APCS: variants seen among roughly 807,000 people sequenced by gnomAD.
APCS encodes the protein amyloid P component, serum, also known as serum amyloid P-component.
A neutral mutation model predicts 2.5 loss-of-function variants in APCS; 2 were observed. That is an observed-to-expected ratio of 0.80 (90% CI 0.33 to 2.53). The LOEUF is 2.53. APCS is among the 30% of genes most tolerant of loss of function. APCS has a pLI of 0.11. For synonymous variants in APCS, 109 were observed against 102.5 expected (o/e 1.06, Z -0.39); for missense variants, 302 against 258.9 (o/e 1.17, Z -1.14).
rs1257088733 is a variant in APCS at position 159,588,647 on chromosome 1, G to A, written c.611G>A (p.Trp204Ter). Residue 204 changes from tryptophan to a stop codon, truncating the protein, a stop_gained, in exon 2 of 2, where the codon TGG (tryptophan) becomes TAG (stop). Coordinates refer to ENST00000255040, the MANE Select transcript of APCS (RefSeq NM_001639.4). LOFTEE classifies it low-confidence loss of function (END_TRUNC). ...CCTCTCCCTGCCAATATCCTGGACTGGCAGGCTCTGAACTATGAAATCAGA... is the reference window on the plus strand; with the variant it reads ...CCTCTCCCTGCCAATATCCTGGACTAGCAGGCTCTGAACTATGAAATCAGA... ...GTPLPANILDWQALNYEIRGY... is the reference protein window; with the variant it reads ...GTPLPANILD 2.5e-6 allele frequency: 4 copies of A among 1,613,676 alleles called. No homozygotes were observed. Among genetic ancestry groups the A allele is most frequent in the Non-Finnish European group, 2.5e-6 (3 of 1,179,920 alleles).
At position 159,588,577 on chromosome 1, in the gene APCS, T is replaced by C; in HGVS notation, c.541T>C (p.Ser181Pro). ...GATTGGGGATTTGTACATGTGGGACTCTGTGCTGCCCCCAGAAAATATCCT... is the reference window on the plus strand; with the variant it reads ...GATTGGGGATTTGTACATGTGGGACCCTGTGCTGCCCCCAGAAAATATCCT... ...GEIGDLYMWDSVLPPENILSA... is the reference protein window; with the variant it reads ...GEIGDLYMWDPVLPPENILSA... Residue 181 changes from serine to proline, a missense_variant, in exon 2 of 2, where the codon TCT becomes CCT. Ser to Pro is a moderately conservative substitution (Grantham distance 74). Coordinates refer to ENST00000255040, the MANE Select transcript of APCS (RefSeq NM_001639.4). 1 of 1,613,972 alleles carries C rather than the reference T, an allele frequency of 6.2e-7. No homozygotes were observed.
At position 159,588,091 on chromosome 1, in the gene APCS, T is replaced by C. The variant is rs1010186302; in HGVS notation, c.65-10T>C. ...CTGAAGGTCATTATCTTTCTTTCTTTATCCCGCAGACCTCAGTGGGAAGGT... is the reference window on the plus strand; with the variant it reads ...CTGAAGGTCATTATCTTTCTTTCTTCATCCCGCAGACCTCAGTGGGAAGGT... On this transcript the variant is annotated splice_polypyrimidine_tract_variant and intron_variant, in intron 1 of 1. Coordinates refer to ENST00000255040, the MANE Select transcript of APCS (RefSeq NM_001639.4). The C allele has an allele frequency of 3.1e-6, 5 of 1,613,310 alleles. No individual in the cohort carries two copies. Among genetic ancestry groups the C allele is most frequent in the Non-Finnish European group, 4.2e-6 (5 of 1,179,444 alleles).
rs201641715 is a variant in APCS at position 159,588,392 on chromosome 1, C to T, written c.356C>T (p.Ser119Phe). The T allele has an allele frequency of 2.0e-5, 32 of 1,613,922 alleles. No individual in the cohort carries two copies. The highest frequency in any genetic ancestry group is 1.0e-4 in the Admixed American group (6 of 59,990). The change falls in exon 2 of 2, where the codon TCC (serine) becomes TTC (phenylalanine). Residue 119 changes from serine to phenylalanine, a missense_variant. Ser to Phe is a radical substitution (Grantham distance 155, BLOSUM62 -2). Transcript: ENST00000255040. ...GTGCACATCTGTGTGAGCTGGGAGT[C>T]CTCATCAGGTATTGCTGAATTTTGG... ...APVHICVSWESSSGIAEFWIN... is the reference protein window; with the variant it reads ...APVHICVSWEFSSGIAEFWIN...
At position 159,588,374 on chromosome 1, in the gene APCS, T is replaced by A. The variant is rs200788109; in HGVS notation, c.338T>A (p.Ile113Asn). ...VIEKFPAPVH[I>N]CVSWESSSGI... Reference sequence around the variant, plus strand: ...GAAAAGTTCCCGGCTCCAGTGCACATCTGTGTGAGCTGGGAGTCCTCATCA... The same window carrying A: ...GAAAAGTTCCCGGCTCCAGTGCACAACTGTGTGAGCTGGGAGTCCTCATCA... Residue 113 changes from isoleucine (I) to asparagine (N), a missense_variant, in exon 2 of 2, where the codon ATC (isoleucine) becomes AAC (asparagine). Coordinates refer to ENST00000255040, the MANE Select transcript of APCS (RefSeq NM_001639.4). 2.3e-4 allele frequency: 371 copies of A among 1,614,022 alleles called. No individual in the cohort carries two copies. The highest frequency in any genetic ancestry group is 2.7e-4 in the Non-Finnish European group (319 of 1,180,014).
Position 159,588,385 on chromosome 1 carries a change from T to A in APCS, c.349T>A (p.Trp117Arg). 5 of 1,614,164 alleles carry A rather than the reference T, an allele frequency of 3.1e-6. No homozygotes were observed. Among genetic ancestry groups the A allele is most frequent in the Non-Finnish European group, 4.2e-6 (5 of 1,180,016 alleles). ...FPAPVHICVS[W>R]ESSSGIAEFW... ...GGCTCCAGTGCACATCTGTGTGAGC[T>A]GGGAGTCCTCATCAGGTATTGCTGA... is the stretch of plus-strand genomic sequence containing the variant. The change falls in exon 2 of 2, where the codon TGG becomes AGG. Residue 117 changes from tryptophan (W) to arginine (R), a missense_variant. Transcript: ENST00000255040.
Position 159,587,914 on chromosome 1 carries a change from C to G in APCS, c.-8C>G, listed in dbSNP as rs772980505. The G allele has an allele frequency of 6.2e-7, 1 of 1,613,584 alleles. No individual in the cohort carries two copies. The highest frequency in any genetic ancestry group is 1.1e-5 in the South Asian group (1 of 91,060). On this transcript the variant is annotated 5_prime_UTR_variant, in exon 1 of 2. Coordinates refer to ENST00000255040, the MANE Select transcript of APCS (RefSeq NM_001639.4). ...CTGCTTCTGCTATAACAGCCCTAGG[C>G]CAGGAATATGAACAAGCCGCTGCTT...
chr1:159,588,708 A>C lies in APCS; in HGVS notation c.672A>C (p.Ter224CysextTer15). The change falls in exon 2 of 2, where the codon TGA (stop) becomes TGC (cysteine). Residue 224 changes from the stop codon to cysteine (C), a stop_lost. Coordinates refer to ENST00000255040, the MANE Select transcript of APCS (RefSeq NM_001639.4). ...TCATCAAACCCTTGGTGTGGGTCTGAGGTCTTGACTCAACGAGAGCACTTG... is the reference window on the plus strand; with the variant it reads ...TCATCAAACCCTTGGTGTGGGTCTGCGGTCTTGACTCAACGAGAGCACTTG... The part of the protein sequence containing the change: ...YVIIKPLVWV[*>C] The C allele has an allele frequency of 6.2e-7, 1 of 1,605,032 alleles. No individual in the cohort carries two copies. The highest frequency in any genetic ancestry group is 8.5e-7 in the Non-Finnish European group (1 of 1,173,502).
rs1570984121 is a variant in APCS, at chr1:159,587,985, G to A, written c.64G>A (p.Asp22Asn). 2 of 1,614,054 alleles carry A rather than the reference G, an allele frequency of 1.2e-6. No homozygotes were observed. The highest frequency in any genetic ancestry group is 4.5e-5 in the East Asian group (2 of 44,882). The change falls in exon 1 of 2, where the codon GAC becomes AAC. Residue 22 changes from aspartate (D) to asparagine (N), a missense_variant and splice_region_variant. By Grantham distance (23) the Asp-to-Asn change is conservative (BLOSUM62 1). Coordinates refer to ENST00000255040, the MANE Select transcript of APCS (RefSeq NM_001639.4). ...CCTCCTGGAAGCCTTTGCTCACACA[G>A]GTAAGGAGGTGAAGGAATGGTCAAG... The part of the protein sequence containing the change: ...TSLLEAFAHT[D>N]LSGKVFVFPR...
chr1:159,587,842 C>G lies in APCS; in HGVS notation c.-80C>G, dbSNP rs200362255. On this transcript the variant is annotated 5_prime_UTR_variant, in exon 1 of 2. Transcript: ENST00000255040. Reference sequence around the variant, plus strand: ...GAAGTCTAAGGGCATGAATATCAGACGCTAGGGGGACAGCCACTGTGTTGT... The same window carrying G: ...GAAGTCTAAGGGCATGAATATCAGAGGCTAGGGGGACAGCCACTGTGTTGT... 2.1e-6 allele frequency: 3 copies of G among 1,443,668 alleles called. No homozygotes were observed. The highest frequency in any genetic ancestry group is 1.1e-5 in the South Asian group (1 of 87,218). The allele number at this position is 1,443,668 out of a possible 1,614,324, so 89.4% of individuals were successfully genotyped here.
Position 159,588,762 on chromosome 1 carries a change from G to T in APCS, c.*54G>T, listed in dbSNP as rs1004949853. ...ATGAAATGACTGTCTAAGAGATCTGGTCAAAGCAACTGGATACTAGATCTT... is the reference window on the plus strand; with the variant it reads ...ATGAAATGACTGTCTAAGAGATCTGTTCAAAGCAACTGGATACTAGATCTT... On this transcript the variant is annotated 3_prime_UTR_variant, in exon 2 of 2. Coordinates refer to ENST00000255040, the MANE Select transcript of APCS (RefSeq NM_001639.4). 3 of 1,528,894 alleles carry T rather than the reference G, an allele frequency of 2.0e-6. No individual in the cohort carries two copies. The highest frequency in any genetic ancestry group is 1.8e-4 in the Middle Eastern group (1 of 5,688). The allele number at this position is 1,528,894 out of a possible 1,614,324, so 94.7% of individuals were successfully genotyped here.
Position 159,588,326 on chromosome 1 carries a change from ACAAAGTTACATC to A in APCS, c.299_310del (p.Thr100_Val103del). On this transcript the variant is annotated inframe_deletion, in exon 2 of 2. Transcript: ENST00000255040. ...GAGTATAGTCTATACATTGGAAGACACAAAGTTACATCCAAAGTTATCGAAAAGTTCCCGGCT... is the reference window on the plus strand; with the variant it reads ...GAGTATAGTCTATACATTGGAAGACACAAAGTTATCGAAAAGTTCCCGGCT... 6.2e-7 allele frequency: 1 copy of A among 1,614,198 alleles called. No homozygotes were observed.
At position 159,588,448 on chromosome 1, in the gene APCS, C is replaced by A. The variant is rs1457460461; in HGVS notation, c.412C>A (p.Leu138Met). The A allele has an allele frequency of 1.2e-6, 2 of 1,614,040 alleles. No individual in the cohort carries two copies. The highest frequency in any genetic ancestry group is 2.7e-5 in the African/African-American group (2 of 74,986). The change falls in exon 2 of 2, where the codon CTG (leucine) becomes ATG (methionine). Residue 138 changes from leucine to methionine, a missense_variant. Coordinates refer to ENST00000255040, the MANE Select transcript of APCS (RefSeq NM_001639.4). ...TGGGACACCTTTGGTGAAAAAGGGT[C>A]TGCGACAGGGTTACTTTGTAGAAGC... ...INGTPLVKKG[L>M]RQGYFVEAQP... is the part of the protein sequence containing the mutation.
rs767403078 is a variant in APCS at position 159,588,153 on chromosome 1, A to T, written c.117A>T (p.Val39=). The T allele has an allele frequency of 1.2e-6, 2 of 1,613,040 alleles. No homozygotes were observed. Among genetic ancestry groups the T allele is most frequent in the African/African-American group, 2.7e-5 (2 of 74,906 alleles). The change falls in exon 2 of 2, where the codon GTA becomes GTT. Residue 39 remains valine, a synonymous_variant. Transcript: ENST00000255040. ...VFPRESVTDH[V]NLITPLEKPL... ...CTAGAGAATCTGTTACTGATCATGT[A>T]AACTTGATCACACCGCTGGAGAAGC...
Position 159,588,857 on chromosome 1 carries a change from A to T in APCS, c.*149A>T, listed in dbSNP as rs1570984889. On this transcript the variant is annotated 3_prime_UTR_variant, in exon 2 of 2. Transcript: ENST00000255040. The stretch of plus-strand genomic sequence containing the variant: ...GCCTAATTAAAAAAATATATATTGT[A>T]TTATGCTACCTGCATTTGTTTAGTG... The T allele has an allele frequency of 1.2e-6, 1 of 846,186 alleles. No homozygotes were observed. Among genetic ancestry groups the T allele is most frequent in the Non-Finnish European group, 1.8e-6 (1 of 570,356 alleles). 52.4% of individuals were successfully genotyped at this position (846,186 alleles called of 1,614,324 possible).
rs1417363994 is a variant in APCS, at chr1:159,588,743, T to C, written c.*35T>C. 2.5e-6 allele frequency: 4 copies of C among 1,577,658 alleles called. No homozygotes were observed. The highest frequency in any genetic ancestry group is 3.5e-6 in the Non-Finnish European group (4 of 1,157,620). ...TCAACGAGAGCACTTGAAAATGAAA[T>C]GACTGTCTAAGAGATCTGGTCAAAG... On this transcript the variant is annotated 3_prime_UTR_variant, in exon 2 of 2. Coordinates refer to ENST00000255040, the MANE Select transcript of APCS (RefSeq NM_001639.4).
rs1031882412 is a variant in APCS at position 159,588,351 on chromosome 1, A to G, written c.315A>G (p.Glu105=). 1.2e-6 allele frequency: 2 copies of G among 1,614,044 alleles called. No individual in the cohort carries two copies. The highest frequency in any genetic ancestry group is 2.7e-5 in the African/African-American group (2 of 74,930). Residue 105 remains glutamate, a synonymous_variant, in exon 2 of 2, where the codon GAA becomes GAG. Transcript: ENST00000255040. ...ACAAAGTTACATCCAAAGTTATCGA[A>G]AAGTTCCCGGCTCCAGTGCACATCT... ...GRHKVTSKVI[E]KFPAPVHICV... is the part of the protein sequence containing the mutation.
At position 159,588,115 on chromosome 1, in the gene APCS, G is replaced by A. The variant is rs2101626971; in HGVS notation, c.79G>A (p.Val27Met). 1 of 1,613,578 alleles carries A rather than the reference G, an allele frequency of 6.2e-7. No individual in the cohort carries two copies. Among genetic ancestry groups the A allele is most frequent in the South Asian group, 1.1e-5 (1 of 91,072 alleles). ...AFAHTDLSGK[V>M]FVFPRESVTD... Reference sequence around the variant, plus strand: ...TTATCCCGCAGACCTCAGTGGGAAGGTGTTTGTATTTCCTAGAGAATCTGT... The same window carrying A: ...TTATCCCGCAGACCTCAGTGGGAAGATGTTTGTATTTCCTAGAGAATCTGT... The change falls in exon 2 of 2, where the codon GTG (valine) becomes ATG (methionine). Residue 27 changes from valine to methionine, a missense_variant. By Grantham distance (21) the Val-to-Met change is conservative. Coordinates refer to ENST00000255040, the MANE Select transcript of APCS (RefSeq NM_001639.4).
chr1:159,587,871 C>T lies in APCS; in HGVS notation c.-51C>T, dbSNP rs1658794919. The T allele has an allele frequency of 1.3e-6, 2 of 1,573,138 alleles. No individual in the cohort carries two copies. Among genetic ancestry groups the T allele is most frequent in the East Asian group, 2.2e-5 (1 of 44,684 alleles). The stretch of plus-strand genomic sequence containing the variant: ...AGGGGGACAGCCACTGTGTTGTCTG[C>T]TACCCTCATCCTGGTCACTGCTTCT... On this transcript the variant is annotated 5_prime_UTR_variant, in exon 1 of 2. Transcript: ENST00000255040.
Position 159,588,445 on chromosome 1 carries a change from G to C in APCS, c.409G>C (p.Gly137Arg). 1 of 1,614,032 alleles carries C rather than the reference G, an allele frequency of 6.2e-7. No individual in the cohort carries two copies. The highest frequency in any genetic ancestry group is 1.3e-5 in the African/African-American group (1 of 74,998). The part of the protein sequence containing the change: ...WINGTPLVKK[G>R]LRQGYFVEAQ... The stretch of plus-strand genomic sequence containing the variant: ...CAATGGGACACCTTTGGTGAAAAAG[G>C]GTCTGCGACAGGGTTACTTTGTAGA... The change falls in exon 2 of 2, where the codon GGT (glycine) becomes CGT (arginine). Residue 137 changes from glycine (G) to arginine (R), a missense_variant. Transcript: ENST00000255040.
Sources: allele counts gnomAD v4.1 joint callset, GRCh38; gene constraint gnomAD v4.1.1; transcripts MANE v1.5; gene names NCBI Gene and HGNC (gene_info 2026-07-23, HGNC 2026-07-21).